The following DDX31 variants were observed in gnomAD, a reference collection of about 807,000 sequenced individuals.
DDX31 encodes the protein ATP-dependent DNA helicase DDX31.
Under a neutral mutation model 91.3 loss-of-function variants are expected in DDX31, and 70 were observed. The observed-to-expected ratio is 0.77, with a 90% CI of 0.63 to 0.94. The LOEUF (loss-of-function observed/expected upper bound fraction) is 0.94, where lower values mean the gene tolerates loss of function less well. Among genes scored for constraint, DDX31 ranks in the 40% least tolerant of loss-of-function variants. The pLI is 0.00. For synonymous variants in DDX31, 362 were observed against 350.6 expected (o/e 1.03, Z -0.36); for missense variants, 902 against 925.0 (o/e 0.98, Z 0.32).
At chr9:132,640,975 C>T (rs1468047572) in intron 14 of DDX31, among the ~76,000 whole-genome samples, 2 of 152,204 alleles carry the variant, frequency 1.3e-5, no homozygotes, top group African/African-American at 4.8e-5. Flanking sequence ...TCCATGGTTA[C>T]AGCTCTCAGG....
chr9:132,610,253 A>C (rs1466702257), intron 19 of DDX31, among the ~76,000 whole-genome samples: 1 of 152,190 alleles, frequency 6.6e-6, no homozygotes, highest in Non-Finnish European at 1.5e-5. Context: ...ATGAGCAGAA[A>C]CATCTTTGGG....
chr9:132,614,199 TCTATTTA>T (rs1831505325), intron 18 of DDX31, among the ~76,000 whole-genome samples: 1 of 152,166 alleles, frequency 6.6e-6, no homozygotes, highest in South Asian at 2.1e-4. Context: ...CCATCAAAGC[TCTATTTA>T]CTGAGTAAAG....
intron 19 of DDX31, among the ~76,000 whole-genome samples, chr9:132,596,585 A>C (rs1387804114): frequency 6.6e-6 from 1 of 152,242 alleles, no homozygotes; most frequent in African/African-American, 2.4e-5. Context: ...ATCCTCGCTC[A>C]ACAAGGTGGG....
chr9:132,611,296 C>G (rs117962810), intron 19 of DDX31, among the ~76,000 whole-genome samples: 1 of 152,192 alleles, frequency 6.6e-6, no homozygotes, highest in Non-Finnish European at 1.5e-5. Flanking sequence ...TTCAACGGAC[C>G]GTTCCCACAT....
At chr9:132,655,024 C>T (rs886625942) in intron 6 of DDX31, among the ~76,000 whole-genome samples, 1 of 151,668 alleles carries the variant, frequency 6.6e-6, no homozygotes, top group Non-Finnish European at 1.5e-5. Flanking sequence ...ACTGGACCTT[C>T]TACACCGCTG....
At position 132,594,891 on chromosome 9, in the gene DDX31, TCCCG is replaced by T; in HGVS notation, c.2212_2215del (p.Arg738ThrfsTer39). 11 of 1,613,872 alleles carry T rather than the reference TCCCG, an allele frequency of 6.8e-6. No homozygotes were observed. The highest frequency in any genetic ancestry group is 8.5e-6 in the Non-Finnish European group (10 of 1,180,040). ...TTAAACTTTCTGGGAAGTCTTGCTG[TCCCG>T]CTGTACACCTTTTTGGGTTTTTCTC... On this transcript the variant is annotated frameshift_variant, in exon 20 of 20. Coordinates refer to ENST00000372159, the MANE Select transcript of DDX31 (RefSeq NM_022779.9). LOFTEE classifies it low-confidence loss of function (END_TRUNC).
intron 18 of DDX31, among the ~76,000 whole-genome samples, chr9:132,612,827 C>T (rs111960646): frequency 0.016 from 2,485 of 152,224 alleles, 87 homozygotes; most frequent in African/African-American, 0.057. Context: ...CCACCAATGC[C>T]CCCTTCACCA....
rs2130719800 is a variant in DDX31, at chr9:132,638,448, G to A, written c.1440+3556C>T. ...TGATTGCTTAATTCCACTTGGGAAA[G>A]TGGGCTTTGAACTTCCAATGACTCC... On this transcript the variant is annotated intron_variant, in intron 14 of 19. Transcript: ENST00000372159. 2.5e-6 allele frequency: 4 copies of A among 1,594,402 alleles called. No homozygotes were observed. The East Asian group carries it at 9.0e-5, about 36-fold the overall frequency.
chr9:132,669,826 G>GT, intron 1 of DDX31, 34 bp downstream of exon 1: 6 of 1,545,610 alleles, frequency 3.9e-6, no homozygotes, highest in Non-Finnish European at 5.2e-6. Flanking sequence ...CGGGCCGCGG[G>GT]TGGGGACGGA....
At chr9:132,635,037 G>C (rs777424034) in intron 14 of DDX31, among the ~76,000 whole-genome samples, 31 of 152,048 alleles carry the variant, frequency 2.0e-4, no homozygotes, top group South Asian at 6.2e-4. Context: ...AAATGTTCCT[G>C]AGGACATCGG....
At chr9:132,635,838 G>A (rs542548054) in intron 14 of DDX31, among the ~76,000 whole-genome samples, 3 of 151,884 alleles carry the variant, frequency 2.0e-5, no homozygotes, top group African/African-American at 7.2e-5. Context: ...CAGCTACTTC[G>A]GAGACAGAGG....
At chr9:132,651,954 A>C (rs913828114) in intron 7 of DDX31, among the ~76,000 whole-genome samples, 2 of 152,194 alleles carry the variant, frequency 1.3e-5, no homozygotes, top group Non-Finnish European at 2.9e-5. Flanking sequence ...TATAGAAACC[A>C]CATACCCTAA....
At chr9:132,632,443 G>A (rs529235496) in intron 14 of DDX31, among the ~76,000 whole-genome samples, 11 of 152,190 alleles carry the variant, frequency 7.2e-5, no homozygotes, top group African/African-American at 2.6e-4. Flanking sequence ...GTTAGCCTAG[G>A]AACTTAAACA....
At chr9:132,663,944 A>C (rs939571248) in intron 1 of DDX31, among the ~76,000 whole-genome samples, 1 of 152,182 alleles carries the variant, frequency 6.6e-6, no homozygotes, top group African/African-American at 2.4e-5. Flanking sequence ...AAATGTGCAG[A>C]CTTCACCTGA....
At chr9:132,648,095 G>A (rs1833947282) in intron 11 of DDX31, 94 bp downstream of exon 11, 1 of 1,024,436 alleles carries the variant, frequency 9.8e-7, no homozygotes, top group South Asian at 1.6e-5. Context: ...CCTCCCTGAG[G>A]TTGAGAATCA....
intron 17 of DDX31, 47 bp downstream of exon 17, chr9:132,625,617 G>A (rs1193430788): frequency 1.4e-6 from 2 of 1,460,902 alleles, no homozygotes; most frequent in Admixed American, 1.7e-5. Flanking sequence ...CCCAAATCAA[G>A]TGAGTCACAT....
intron 16 of DDX31, among the ~76,000 whole-genome samples, chr9:132,629,675 C>T (rs1241323118): frequency 6.6e-6 from 1 of 152,166 alleles, no homozygotes; most frequent in Admixed American, 6.5e-5. Context: ...TAAGACTATC[C>T]CATTTACAGC....
At chr9:132,652,522 A>G (rs893260909) in intron 6 of DDX31, 30 bp from the exon 7 acceptor site, 3 of 1,613,714 alleles carry the variant, frequency 1.9e-6, no homozygotes, top group Non-Finnish European at 1.7e-6. Context: ...AAATGCCATG[A>G]GCAGGATAAA....
chr9:132,651,467 TAGAAAG>T (rs1345805261), intron 7 of DDX31, among the ~76,000 whole-genome samples: 2 of 152,074 alleles, frequency 1.3e-5, no homozygotes, highest in East Asian at 1.9e-4. Context: ...TGACTCTCCT[TAGAAAG>T]AGAAAGAATA....
Sources: gnomAD v4.1 joint callset for allele counts (sites outside exome capture counted in the v4.1 genomes callset) on GRCh38, gnomAD v4.1.1 for gene constraint, MANE v1.5 for transcripts, NCBI Gene and HGNC (gene_info 2026-07-23, HGNC 2026-07-21) for gene names.